NEK6: variants seen among roughly 807,000 people sequenced by gnomAD.
NEK6 encodes NIMA related kinase 6.
Under a neutral mutation model 43.5 loss-of-function variants are expected in NEK6, and 27 were observed. The observed-to-expected ratio is 0.62, with a 90% confidence interval of 0.46 to 0.86. NEK6 has a LOEUF of 0.86. NEK6 is among the 40% of genes least tolerant of loss of function. The probability of loss-of-function intolerance (pLI) is 0.00; values close to 1 mark genes in which losing one functional copy is unlikely to be tolerated. For missense variants in NEK6, 318 were observed against 414.4 expected, an observed-to-expected ratio of 0.77 and a Z score of 2.02; for synonymous variants, 167 against 164.1, an observed-to-expected ratio of 1.02 and a Z score of -0.14.
rs1465715739 is a variant in NEK6, at chr9:124,279,340, C to G, written c.-30+21255C>G. On this transcript the variant is annotated intron_variant, in intron 1 of 9. Transcript: ENST00000320246. The stretch of plus-strand genomic sequence containing the variant: ...TTTTTGAGACGGAGTCTCACTCTGT[C>G]ACCCAGGCTGGAGTGCAGTGGCACG... Among the ~76,000 whole-genome samples the G allele has an allele frequency of 4.8e-5, 7 of 145,594 alleles. No individual in the cohort carries two copies. The East Asian group carries it at 1.2e-3, about 25-fold the overall frequency.
intron 1 of NEK6, among the ~76,000 whole-genome samples, chr9:124,297,685 A>T (rs887115227): frequency 6.6e-6 from 1 of 152,170 alleles, no homozygotes; most frequent in Admixed American, 6.5e-5. Context: ...CTTGCATTCC[A>T]TGGATTTTTG....
At position 124,326,772 on chromosome 9, in the gene NEK6, A is replaced by C. The variant is rs534702759; in HGVS notation, c.514+334A>C. 6.6e-6 allele frequency among the ~76,000 whole-genome samples: 1 copy of C among 152,268 alleles called. No individual in the cohort carries two copies. The highest frequency in any genetic ancestry group is 2.1e-4 in the South Asian group (1 of 4,830). On this transcript the variant is annotated intron_variant, in intron 6 of 9. Transcript: ENST00000320246. The surrounding 1 kb of genome is among the most constrained non-coding windows in gnomAD (Gnocchi z 4.5). The stretch of plus-strand genomic sequence containing the variant: ...GCCGTCTCAGCGGGCTGGGCTGAGA[A>C]GGGGAGGCACCTGAGAGGGGTGTTT...
At chr9:124,328,838 TGTC>T (rs1324971091) in intron 7 of NEK6, among the ~76,000 whole-genome samples, 1 of 152,184 alleles carries the variant, frequency 6.6e-6, no homozygotes, top group Non-Finnish European at 1.5e-5. Flanking sequence ...TTGAAACTCT[TGTC>T]CCCACCTGGC....
At chr9:124,266,682 G>C (rs1440901266) in intron 1 of NEK6, among the ~76,000 whole-genome samples, 3 of 152,260 alleles carry the variant, frequency 2.0e-5, no homozygotes, top group African/African-American at 7.2e-5. Context: ...TCCATGGCCA[G>C]CATTGTGCCT....
intron 7 of NEK6, among the ~76,000 whole-genome samples, chr9:124,337,316 C>A (rs1219978065): frequency 1.3e-5 from 2 of 152,200 alleles, no homozygotes; most frequent in Non-Finnish European, 2.9e-5. Context: ...GAAGAGGGAC[C>A]CTGAGGACAG....
rs1302314529 is a variant in NEK6, at chr9:124,351,973, C to T, written c.*1026C>T. ...ACTGAAGTCCATGGACCACGGAAGT[C>T]GAGAATTAATGTACACCTGTATCAT... On this transcript the variant is annotated 3_prime_UTR_variant, in exon 10 of 10. Transcript: ENST00000320246. 1 of 152,620 alleles carries T rather than the reference C, an allele frequency of 6.6e-6. No individual in the cohort carries two copies. Among genetic ancestry groups the T allele is most frequent in the South Asian group, 2.1e-4 (1 of 4,826 alleles). The allele number at this position is 152,620 out of a possible 1,614,324, so 9.5% of individuals were successfully genotyped here.
chr9:124,294,620 A>G (rs1832592755), intron 1 of NEK6, among the ~76,000 whole-genome samples: 1 of 151,980 alleles, frequency 6.6e-6, no homozygotes, highest in African/African-American at 2.4e-5. Context: ...AATGACATGG[A>G]AGGACCAGGG....
chr9:124,312,750 AC>A, intron 3 of NEK6, 101 bp downstream of exon 3: 2 of 1,219,300 alleles, frequency 1.6e-6, no homozygotes, highest in Non-Finnish European at 2.3e-6. Flanking sequence ...TCTTCTGTGA[AC>A]GAGGGAAACA....
intron 1 of NEK6, among the ~76,000 whole-genome samples, chr9:124,277,011 T>C (rs1035580618): frequency 6.6e-6 from 1 of 152,104 alleles, no homozygotes; most frequent in Non-Finnish European, 1.5e-5. Context: ...CTTAGGAATA[T>C]GTGTCTGGTG....
chr9:124,320,856 G>A lies in NEK6; in HGVS notation c.295-603G>A, dbSNP rs905541099. Among the ~76,000 whole-genome samples the A allele has an allele frequency of 5.9e-5, 9 of 152,196 alleles. 1 individual carries two copies. The highest frequency in any genetic ancestry group is 4.1e-4 in the South Asian group (2 of 4,830). ...GCCGTAGTCCCAACTGCTCAGGAGG[G>A]TGAGGTGGGAGGATCGCTTGAACCT... is the stretch of plus-strand genomic sequence containing the variant. On this transcript the variant is annotated intron_variant, in intron 4 of 9. Transcript: ENST00000320246.
chr9:124,313,430 C>T (rs1833645664), intron 3 of NEK6, among the ~76,000 whole-genome samples: 4 of 151,932 alleles, frequency 2.6e-5, no homozygotes, highest in South Asian at 2.1e-4. Flanking sequence ...AGTGCAGTGG[C>T]GTGATCAGCT....
chr9:124,326,202 T>TTCCCCCC lies in NEK6; in HGVS notation c.406-128_406-127insTCCCCCC. On this transcript the variant is annotated intron_variant, in intron 5 of 9. Coordinates refer to ENST00000320246, the MANE Select transcript of NEK6 (RefSeq NM_014397.6). The surrounding 1 kb of genome is among the most constrained non-coding windows in gnomAD (Gnocchi z 4.5). Reference sequence around the variant, plus strand: ...GCTTATTGTTTGCTCAGTGGCTCAATCCCCCCCCCCCGCCCCTGCCAGGCA... The same window carrying TTCCCCCC: ...GCTTATTGTTTGCTCAGTGGCTCAATTCCCCCCCCCCCCCCCCCGCCCCTGCCAGGCA... 2 of 124,052 alleles carry TTCCCCCC rather than the reference T, an allele frequency of 1.6e-5. No individual in the cohort carries two copies. The highest frequency in any genetic ancestry group is 4.0e-5 in the Non-Finnish European group (2 of 50,618). 7.7% of individuals were successfully genotyped at this position (124,052 alleles called of 1,614,324 possible).
intron 8 of NEK6, 43 bp downstream of exon 8, chr9:124,339,708 C>A: frequency 7.0e-7 from 1 of 1,426,286 alleles, no homozygotes; most frequent in Non-Finnish European, 9.9e-7. Flanking sequence ...GTGGGACATG[C>A]ATGGGGGGTG....
intron 9 of NEK6, among the ~76,000 whole-genome samples, chr9:124,349,519 GGAGT>G (rs1180298568): frequency 6.6e-6 from 1 of 152,208 alleles, no homozygotes; most frequent in Non-Finnish European, 1.5e-5. Context: ...CCCATGCTTA[GGAGT>G]GAGAGGTGGT....
At chr9:124,303,403 G>C (rs549714802) in intron 2 of NEK6, among the ~76,000 whole-genome samples, 2 of 152,228 alleles carry the variant, frequency 1.3e-5, no homozygotes, top group African/African-American at 4.8e-5. Context: ...CAGTTGTACA[G>C]GTTATGCACT....
chr9:124,278,487 C>A (rs1831742332), intron 1 of NEK6, among the ~76,000 whole-genome samples: 1 of 152,124 alleles, frequency 6.6e-6, no homozygotes, highest in South Asian at 2.1e-4. Context: ...AGAAGATGAG[C>A]CCAGGCTAGC....
At chr9:124,321,607 C>T (rs758834749) in intron 5 of NEK6, 38 bp downstream of exon 5, 7 of 1,315,888 alleles carry the variant, frequency 5.3e-6, no homozygotes, top group Non-Finnish European at 7.7e-6. Flanking sequence ...GGGGGCTGCG[C>T]AGATCTGGAG....
intron 9 of NEK6, among the ~76,000 whole-genome samples, chr9:124,350,446 A>G (rs1216962773): frequency 6.6e-6 from 1 of 152,176 alleles, no homozygotes; most frequent in Non-Finnish European, 1.5e-5. Context: ...TATGATCAAT[A>G]AGCCCTTGCC....
intron 7 of NEK6, among the ~76,000 whole-genome samples, chr9:124,335,000 G>T (rs1267364607): frequency 6.6e-6 from 1 of 152,222 alleles, no homozygotes; most frequent in Non-Finnish European, 1.5e-5. Flanking sequence ...GAAGGGTTCA[G>T]TGTTAGCCAG....
Sources: gnomAD v4.1 joint callset for allele counts (sites outside exome capture counted in the v4.1 genomes callset) on GRCh38, gnomAD v4.1.1 for gene constraint, Gnocchi (gnomAD v3.1) non-coding constraint, MANE v1.5 for transcripts, NCBI Gene and HGNC (gene_info 2026-07-23, HGNC 2026-07-21) for gene names.